The following MATN2 variants were observed in gnomAD, a reference collection of about 807,000 sequenced individuals.
MATN2 encodes the protein matrilin-2.
A neutral mutation model predicts 103.2 loss-of-function variants in MATN2; 69 were observed. The ratio of observed to expected loss-of-function variants is 0.67; its 90% CI spans 0.55 to 0.82. The LOEUF (loss-of-function observed/expected upper bound fraction) is 0.82. Ranked by LOEUF, MATN2 falls within the 40% of genes least tolerant of loss-of-function variation. The pLI, the probability that MATN2 is intolerant of heterozygous loss-of-function variation, is 0.00. For missense variants in MATN2, 1,023 were observed against 1,211.5 expected, an observed-to-expected ratio of 0.84 and a Z score of 2.31; for synonymous variants, 429 against 450.2, an observed-to-expected ratio of 0.95 and a Z score of 0.60.
chr8:97,889,455 C>CTATA (rs1818553251), intron 2 of MATN2, among the ~76,000 whole-genome samples: 2 of 29,904 alleles, frequency 6.7e-5, no homozygotes, highest in African/African-American at 2.4e-4. Flanking sequence ...CTCTCTCTCT[C>CTATA]TGTCTATATA....
intron 13 of MATN2, among the ~76,000 whole-genome samples, chr8:98,027,058 T>C: frequency 6.6e-6 from 1 of 152,124 alleles, no homozygotes; most frequent in East Asian, 1.9e-4. Context: ...CCTCCTAAAG[T>C]TCTAGGAGTC....
intron 5 of MATN2, among the ~76,000 whole-genome samples, chr8:97,967,600 C>T (rs914560703): frequency 6.6e-6 from 1 of 152,236 alleles, no homozygotes; most frequent in African/African-American, 2.4e-5. Context: ...TTTAAAACTC[C>T]AAAACAATCT....
intron 2 of MATN2, among the ~76,000 whole-genome samples, chr8:97,897,217 G>A (rs895409400): frequency 2.0e-5 from 3 of 152,248 alleles, no homozygotes; most frequent in Admixed American, 6.5e-5. Flanking sequence ...CTCAGTTTGA[G>A]AACTATTACT....
rs1171608702 is a variant in MATN2, at chr8:97,978,961, A to T, written c.1034A>T (p.Gln345Leu). The T allele has an allele frequency of 1.2e-6, 2 of 1,613,398 alleles. No homozygotes were observed. Among genetic ancestry groups the T allele is most frequent in the African/African-American group, 2.7e-5 (2 of 74,902 alleles). The change falls in exon 6 of 19, where the codon CAG becomes CTG. Residue 345 changes from glutamine to leucine, a missense_variant. Transcript: ENST00000254898. ...AATGCTGATGGCTCCTACCTTTGCC[A>T]GTGCCATGAAGGATTTGCTCTTAAC... ...CVNADGSYLC[Q>L]CHEGFALNPD...
At chr8:97,938,231 G>T (rs140900482) in intron 3 of MATN2, among the ~76,000 whole-genome samples, 1 of 152,150 alleles carries the variant, frequency 6.6e-6, no homozygotes, top group African/African-American at 2.4e-5. Context: ...TCCTCTGCCC[G>T]TGGGTAATTT....
chr8:97,902,872 T>G (rs527819071), intron 2 of MATN2, among the ~76,000 whole-genome samples: 6 of 152,272 alleles, frequency 3.9e-5, no homozygotes, highest in African/African-American at 1.4e-4. Context: ...GTCTCCTGTT[T>G]TTAGGCAGCT....
At chr8:97,905,828 T>A (rs111687902) in intron 2 of MATN2, among the ~76,000 whole-genome samples, 14,412 of 152,020 alleles carry the variant, frequency 0.095, 989 homozygotes, top group Admixed American at 0.21. Flanking sequence ...CCTGGCTAAT[T>A]TTTTGTATTT....
intron 2 of MATN2, among the ~76,000 whole-genome samples, chr8:97,911,225 T>C (rs1809423544): frequency 6.6e-6 from 1 of 151,688 alleles, no homozygotes. Context: ...ACTCCTGACC[T>C]CCAGTGATCC....
Position 98,033,196 on chromosome 8 carries a change from T to C in MATN2, c.2716+20T>C. The C allele has an allele frequency of 6.3e-7, 1 of 1,576,948 alleles. No homozygotes were observed. The highest frequency in any genetic ancestry group is 8.6e-7 in the Non-Finnish European group (1 of 1,163,586). ...CTTCAGGTAATTCCAAGTAAAATAT[T>C]ACTATAAGATAACTTGATCTCAGCC... On this transcript the variant is annotated intron_variant, in intron 17 of 18. Transcript: ENST00000254898.
intron 2 of MATN2, among the ~76,000 whole-genome samples, chr8:97,902,184 T>G (rs1819005695): frequency 6.6e-6 from 1 of 151,556 alleles, no homozygotes; most frequent in Non-Finnish European, 1.5e-5. Context: ...ATTTGTTTTT[T>G]TTTTTTTTAA....
Position 98,005,667 on chromosome 8 carries a change from G to A in MATN2, c.1328-1438G>A, listed in dbSNP as rs1279185410. Among the ~76,000 whole-genome samples the A allele has an allele frequency of 6.6e-6, 1 of 152,184 alleles. No individual in the cohort carries two copies. Among genetic ancestry groups the A allele is most frequent in the African/African-American group, 2.4e-5 (1 of 41,436 alleles). On this transcript the variant is annotated intron_variant, in intron 8 of 18. Transcript: ENST00000254898. The surrounding 1 kb of genome is among the most constrained non-coding windows in gnomAD (Gnocchi z 4.6). ...TCTGCTTTCTCAGAGGAATCAGGGA[G>A]CCCAGGCCATAAAGACAGCAAGCAA... is the stretch of plus-strand genomic sequence containing the variant.
At chr8:97,996,019 G>A (rs1447651891) in intron 7 of MATN2, among the ~76,000 whole-genome samples, 1 of 152,184 alleles carries the variant, frequency 6.6e-6, no homozygotes, top group Non-Finnish European at 1.5e-5. Flanking sequence ...CTAGGAGTGG[G>A]TGTGTGAGGG....
chr8:97,984,314 A>G (rs557834654), intron 6 of MATN2, among the ~76,000 whole-genome samples: 1 of 152,364 alleles, frequency 6.6e-6, no homozygotes, highest in South Asian at 2.1e-4. Flanking sequence ...TTGCTCTTAG[A>G]AATGAACAAA....
At chr8:97,929,623 C>G (rs1420292606) in intron 2 of MATN2, among the ~76,000 whole-genome samples, 1 of 152,232 alleles carries the variant, frequency 6.6e-6, no homozygotes, top group African/African-American at 2.4e-5. Context: ...CAGCTTAAGG[C>G]ATAATTATGG....
intron 6 of MATN2, among the ~76,000 whole-genome samples, chr8:97,989,135 T>G (rs916655878): frequency 6.6e-6 from 1 of 152,220 alleles, no homozygotes; most frequent in African/African-American, 2.4e-5. Flanking sequence ...TTGGATAAGA[T>G]CTGACATTCA....
intron 2 of MATN2, among the ~76,000 whole-genome samples, chr8:97,902,036 CAT>C (rs1563655702): frequency 6.6e-6 from 1 of 151,876 alleles, no homozygotes; most frequent in Admixed American, 6.6e-5. Flanking sequence ...TTTATAAATA[CAT>C]GTTTATAAAA....
chr8:97,978,365 T>C (rs1450931519), intron 5 of MATN2, among the ~76,000 whole-genome samples: 1 of 152,224 alleles, frequency 6.6e-6, no homozygotes, highest in Non-Finnish European at 1.5e-5. Context: ...TCAATGTTCA[T>C]CTTATTTTCT....
At chr8:97,893,362 G>A (rs1818698571) in intron 2 of MATN2, among the ~76,000 whole-genome samples, 2 of 152,062 alleles carry the variant, frequency 1.3e-5, no homozygotes, top group South Asian at 4.1e-4. Context: ...CACACTCCTC[G>A]CTAGGCCCTC....
intron 1 of MATN2, among the ~76,000 whole-genome samples, chr8:97,877,791 T>G (rs1279534541): frequency 1.3e-5 from 2 of 152,190 alleles, no homozygotes; most frequent in African/African-American, 4.8e-5. Flanking sequence ...CAGCTGCAAG[T>G]TACAGAAAAA....
Sources: gnomAD v4.1 joint callset for allele counts (sites outside exome capture counted in the v4.1 genomes callset) on GRCh38, gnomAD v4.1.1 for gene constraint, Gnocchi (gnomAD v3.1) non-coding constraint, MANE v1.5 for transcripts, NCBI Gene and HGNC (gene_info 2026-07-23, HGNC 2026-07-21) for gene names.